Variants in KIRREL3 observed in about 807,000 individuals in gnomAD.
The protein encoded by KIRREL3 is kin of IRRE-like protein 3.
Under a neutral mutation model 89.7 loss-of-function variants are expected in KIRREL3, and 36 were observed. The ratio of observed to expected loss-of-function variants is 0.40; its 90% CI spans 0.31 to 0.53. The LOEUF is 0.53. Among genes scored for constraint, KIRREL3 ranks in the 20% least tolerant of loss-of-function variants. The pLI is 0.49. For missense variants in KIRREL3, 864 were observed against 1,056.6 expected, an observed-to-expected ratio of 0.82 and a Z score of 2.53; for synonymous variants, 445 against 441.4, an observed-to-expected ratio of 1.01 and a Z score of -0.10.
rs5795530 is a variant in KIRREL3 at position 126,831,435 on chromosome 11, T to TTCTCTCTCTCTC, written c.55+169008_55+169019dup. Among the ~76,000 whole-genome samples, 789 of 150,010 alleles carry TTCTCTCTCTCTC rather than the reference T, an allele frequency of 5.3e-3. 1 individual carries two copies. Among genetic ancestry groups the TTCTCTCTCTCTC allele is most frequent in the African/African-American group, 0.01 (421 of 40,676 alleles). On this transcript the variant is annotated intron_variant, in intron 1 of 16. Transcript: ENST00000525144. Reference sequence around the variant, plus strand: ...TCTGTCTCTCTCTATCTCTCTCTCTTTCTCTCTCTCTCTCTCTTTACCCAA... The same window carrying TTCTCTCTCTCTC: ...TCTGTCTCTCTCTATCTCTCTCTCTTTCTCTCTCTCTCTCTCTCTCTCTCTCTCTTTACCCAA...
intron 7 of KIRREL3, among the ~76,000 whole-genome samples, chr11:126,451,854 T>TA (rs1956187610): frequency 1.3e-5 from 2 of 152,188 alleles, no homozygotes; most frequent in African/African-American, 4.8e-5. Context: ...TTCAGGCTGT[T>TA]ACAGTTGAAG....
Position 126,783,602 on chromosome 11 carries a change from G to A in KIRREL3, c.55+216853C>T, listed in dbSNP as rs1303113213. Reference sequence around the variant, plus strand: ...TGGCATGCTTTAGCAACAAAATAGTGTTGGAGGATAATCCAAAGCAAGTCC... The same window carrying A: ...TGGCATGCTTTAGCAACAAAATAGTATTGGAGGATAATCCAAAGCAAGTCC... On this transcript the variant is annotated intron_variant, in intron 1 of 16. Coordinates refer to ENST00000525144, the MANE Select transcript of KIRREL3 (RefSeq NM_032531.4). The surrounding 1 kb of genome is among the most constrained non-coding windows in gnomAD (Gnocchi z 4.3). 2.0e-5 allele frequency among the ~76,000 whole-genome samples: 3 copies of A among 152,224 alleles called. No homozygotes were observed. The highest frequency in any genetic ancestry group is 4.4e-5 in the Non-Finnish European group (3 of 68,040).
Position 126,492,627 on chromosome 11 carries a change from A to G in KIRREL3, c.434-19161T>C, listed in dbSNP as rs926681693. ...CAGCTGTTGGAGGGGAACAGCCACCAGGCCATTTTTATGACTTCCTATCAA... is the reference window on the plus strand; with the variant it reads ...CAGCTGTTGGAGGGGAACAGCCACCGGGCCATTTTTATGACTTCCTATCAA... On this transcript the variant is annotated intron_variant, in intron 4 of 16. Transcript: ENST00000525144. This position sits in a 1 kb window ranked among gnomAD's most constrained non-coding sequence, Gnocchi z 4.8. Among the ~76,000 whole-genome samples, 10 of 152,322 alleles carry G rather than the reference A, an allele frequency of 6.6e-5. No individual in the cohort carries two copies. Among genetic ancestry groups the G allele is most frequent in the Non-Finnish European group, 1.2e-4 (8 of 68,024 alleles).
chr11:126,629,211 C>A (rs761174457), intron 1 of KIRREL3, among the ~76,000 whole-genome samples: 1 of 152,106 alleles, frequency 6.6e-6, no homozygotes, highest in Non-Finnish European at 1.5e-5. Context: ...TTCAGCTGGG[C>A]GCGCTGTGTG....
intron 1 of KIRREL3, among the ~76,000 whole-genome samples, chr11:126,866,794 T>A (rs928091037): frequency 3.3e-5 from 5 of 152,032 alleles, no homozygotes; most frequent in African/African-American, 9.7e-5. Context: ...ATTTATTTGG[T>A]CAGAGGAGAG....
intron 1 of KIRREL3, among the ~76,000 whole-genome samples, chr11:126,743,153 G>A (rs1378635506): frequency 1.3e-5 from 2 of 152,120 alleles, no homozygotes; most frequent in Non-Finnish European, 2.9e-5. Context: ...AGAGTAGTTG[G>A]CAAACAAACA....
intron 1 of KIRREL3, among the ~76,000 whole-genome samples, chr11:126,925,197 T>G (rs1947659391): frequency 6.6e-6 from 1 of 151,652 alleles, no homozygotes; most frequent in African/African-American, 2.4e-5. Flanking sequence ...CACACACCAT[T>G]GCAACCCCCT....
At chr11:126,658,177 T>A (rs2135001072) in intron 1 of KIRREL3, among the ~76,000 whole-genome samples, 1 of 152,356 alleles carries the variant, frequency 6.6e-6, no homozygotes, top group Non-Finnish European at 1.5e-5. Context: ...GTAGTTATTG[T>A]CATACAAGAA....
chr11:126,733,651 C>G (rs1948707759), intron 1 of KIRREL3, among the ~76,000 whole-genome samples: 1 of 152,182 alleles, frequency 6.6e-6, no homozygotes, highest in Non-Finnish European at 1.5e-5. Flanking sequence ...ACAGTTTTAG[C>G]CAGGGTTTTG....
At chr11:126,863,942 G>A (rs1287755358) in intron 1 of KIRREL3, among the ~76,000 whole-genome samples, 1 of 152,142 alleles carries the variant, frequency 6.6e-6, no homozygotes, top group Non-Finnish European at 1.5e-5. Context: ...CAAGTTCTGT[G>A]GGGACCCCTG....
chr11:126,451,539 A>C (rs1208942446), intron 7 of KIRREL3, among the ~76,000 whole-genome samples: 8 of 82,648 alleles, frequency 9.7e-5, no homozygotes, highest in African/African-American at 4.1e-4. Context: ...CATGTGTGAG[A>C]GTGTGCATGT....
intron 1 of KIRREL3, among the ~76,000 whole-genome samples, chr11:126,701,682 G>T (rs1366989418): frequency 6.6e-6 from 1 of 152,214 alleles, no homozygotes; most frequent in Admixed American, 6.5e-5. Flanking sequence ...GAGGTCAGAG[G>T]GTGGAGGAGG....
At chr11:126,478,974 G>A (rs1021764737) in intron 4 of KIRREL3, among the ~76,000 whole-genome samples, 19 of 152,184 alleles carry the variant, frequency 1.2e-4, no homozygotes, top group Admixed American at 1.0e-3. Context: ...GCTGAGGGGG[G>A]CTTGGTGCTG....
At chr11:126,855,248 T>C (rs1047686193) in intron 1 of KIRREL3, among the ~76,000 whole-genome samples, 7 of 152,368 alleles carry the variant, frequency 4.6e-5, no homozygotes, top group African/African-American at 1.7e-4. Flanking sequence ...GATTGGATCA[T>C]GTGGGCAGAT....
rs1949393388 is a variant in KIRREL3 at position 126,970,226 on chromosome 11, C to T, written c.55+30229G>A. Among the ~76,000 whole-genome samples the T allele has an allele frequency of 2.0e-5, 3 of 152,150 alleles. No homozygotes were observed. Among genetic ancestry groups the T allele is most frequent in the Middle Eastern group, 3.2e-3 (1 of 316 alleles). ...TCCACTTAAGACACTCTTGTTTCCC[C>T]GTATTTTTACTCATTTCCTTTGGTT... On this transcript the variant is annotated intron_variant, in intron 1 of 16. Transcript: ENST00000525144. This position sits in a 1 kb window ranked among gnomAD's most constrained non-coding sequence, Gnocchi z 4.4.
rs552597293 is a variant in KIRREL3 at position 126,955,070 on chromosome 11, G to A, written c.55+45385C>T. 2.9e-4 allele frequency among the ~76,000 whole-genome samples: 44 copies of A among 152,332 alleles called. No homozygotes were observed. The highest frequency in any genetic ancestry group is 3.4e-3 in the Middle Eastern group (1 of 294). ...TCTACACTGGCCTTGCTCTGATGAT[G>A]TTTGTGCCCTGAAGGCCACATCTGC... On this transcript the variant is annotated intron_variant, in intron 1 of 16. Coordinates refer to ENST00000525144, the MANE Select transcript of KIRREL3 (RefSeq NM_032531.4). This position sits in a 1 kb window ranked among gnomAD's most constrained non-coding sequence, Gnocchi z 4.6.
intron 4 of KIRREL3, among the ~76,000 whole-genome samples, chr11:126,480,125 T>C (rs1384438949): frequency 6.6e-6 from 1 of 152,230 alleles, no homozygotes; most frequent in East Asian, 1.9e-4. Context: ...GGGTGGCATA[T>C]GCATTTGCTG....
intron 1 of KIRREL3, among the ~76,000 whole-genome samples, chr11:126,790,884 G>T (rs544803695): frequency 6.6e-6 from 1 of 152,262 alleles, no homozygotes; most frequent in East Asian, 1.9e-4. Flanking sequence ...ATCCCAGGGG[G>T]CAAATGACGG....
At chr11:126,743,760 T>C (rs1486206222) in intron 1 of KIRREL3, among the ~76,000 whole-genome samples, 1 of 152,192 alleles carries the variant, frequency 6.6e-6, no homozygotes, top group Non-Finnish European at 1.5e-5. Flanking sequence ...GATTATTACA[T>C]GAGATAATCT....
Sources: allele counts gnomAD v4.1 joint callset (sites outside exome capture counted in the v4.1 genomes callset), GRCh38; gene constraint gnomAD v4.1.1; non-coding constraint Gnocchi (gnomAD v3.1); transcripts MANE v1.5; gene names NCBI Gene and HGNC (gene_info 2026-07-23, HGNC 2026-07-21).